Variants in APOBEC3A observed in about 807,000 individuals in gnomAD.
APOBEC3A encodes DNA dC->dU-editing enzyme APOBEC-3A.
A neutral mutation model predicts 23.0 loss-of-function variants in APOBEC3A; 13 were observed. The observed-to-expected ratio is 0.57, with a 90% CI of 0.37 to 0.90. APOBEC3A has a LOEUF of 0.90. Among genes scored for constraint, APOBEC3A ranks in the 40% least tolerant of loss-of-function variants. The pLI is 0.01. For missense variants in APOBEC3A, 179 were observed against 264.9 expected (o/e 0.68, Z 2.25); for synonymous variants, 74 against 101.3 (o/e 0.73, Z 1.62).
chr22:38,961,551 C>T lies in APOBEC3A; in HGVS notation c.339C>T (p.Phe113=). The T allele has an allele frequency of 3.9e-6, 6 of 1,531,640 alleles. 1 individual carries two copies. The highest frequency in any genetic ancestry group is 5.4e-6 in the Non-Finnish European group (6 of 1,118,770). 94.9% of individuals were successfully genotyped at this position (1,531,640 alleles called of 1,614,324 possible). The stretch of plus-strand genomic sequence containing the variant: ...GCTGTGCCGGGGAAGTGCGTGCGTT[C>T]CTTCAGGAGAACACACACGTGAGAC... ...SWGCAGEVRA[F]LQENTHVRLR... Residue 113 remains phenylalanine, a synonymous_variant, in exon 3 of 5, where the codon TTC becomes TTT. Coordinates refer to ENST00000249116, the MANE Select transcript of APOBEC3A (RefSeq NM_145699.4).
intron 2 of APOBEC3A, among the ~76,000 whole-genome samples, chr22:38,961,175 T>C (rs1472012314): frequency 6.8e-6 from 1 of 147,788 alleles, no homozygotes; most frequent in Non-Finnish European, 1.5e-5. Flanking sequence ...GATCTGTTTG[T>C]ATTTAAATGG....
Position 38,962,703 on chromosome 22 carries a change from T to G in APOBEC3A, c.*194T>G. On this transcript the variant is annotated 3_prime_UTR_variant, in exon 5 of 5. Transcript: ENST00000249116. ...GGCCGGGCGCGGTGGCTCACGCCTG[T>G]AATCCCAGCACTTTGGAGGCCAAGG... 1 of 1,392,210 alleles carries G rather than the reference T, an allele frequency of 7.2e-7. No individual in the cohort carries two copies. Among genetic ancestry groups the G allele is most frequent in the South Asian group, 1.4e-5 (1 of 69,472 alleles). The allele number at this position is 1,392,210 out of a possible 1,614,324, so 86.2% of individuals were successfully genotyped here.
intron 2 of APOBEC3A, 148 bp downstream of exon 2, chr22:38,959,834 G>A (rs1159061912): frequency 3.3e-6 from 4 of 1,204,314 alleles, no homozygotes; most frequent in East Asian, 2.6e-5. Flanking sequence ...CTGGGGTTGG[G>A]GGGAGACTTC....
intron 3 of APOBEC3A, among the ~76,000 whole-genome samples, 180 bp from the exon 4 acceptor site, chr22:38,961,918 G>A (rs985179823): frequency 2.0e-5 from 3 of 151,958 alleles, no homozygotes; most frequent in Non-Finnish European, 4.4e-5. Flanking sequence ...TGAGAACTGG[G>A]CTGGCCCAGA....
chr22:38,958,497 T>TCCAATATTTCCCTTTCTC (rs1922685326), intron 1 of APOBEC3A, among the ~76,000 whole-genome samples: 2 of 149,098 alleles, frequency 1.3e-5, no homozygotes, highest in African/African-American at 5.1e-5. Flanking sequence ...CCTTCTTTCT[T>TCCAATATTTCCCTTTCTC]TCTTTTTCTT....
intron 2 of APOBEC3A, among the ~76,000 whole-genome samples, chr22:38,960,268 C>T (rs528602803): frequency 5.3e-5 from 8 of 152,324 alleles, no homozygotes; most frequent in Middle Eastern, 3.4e-3. Context: ...TGCTTGGCTC[C>T]GGTGCTGGAA....
At position 38,963,052 on chromosome 22, in the gene APOBEC3A, T is replaced by G. The variant is rs893807620; in HGVS notation, c.*543T>G. On this transcript the variant is annotated 3_prime_UTR_variant, in exon 5 of 5. Transcript: ENST00000249116. ...AAGATTATGCTCAATATTCTCAGAA[T>G]AATTTTCAATGTATTAATGAAATGA... The G allele has an allele frequency of 1.3e-5, 2 of 157,426 alleles. No homozygotes were observed. Among genetic ancestry groups the G allele is most frequent in the African/African-American group, 4.9e-5 (2 of 40,992 alleles). 9.8% of individuals were successfully genotyped at this position (157,426 alleles called of 1,614,324 possible).
At chr22:38,958,758 CAT>C (rs1922717260) in intron 1 of APOBEC3A, among the ~76,000 whole-genome samples, 12 of 66,250 alleles carry the variant, frequency 1.8e-4, no homozygotes, top group South Asian at 1.1e-3. Flanking sequence ...TTCCTTCCTC[CAT>C]CTCTCTTTCT....
At position 38,959,431 on chromosome 22, in the gene APOBEC3A, A is replaced by G. The variant is rs1203893612; in HGVS notation, c.30-111A>G. On this transcript the variant is annotated intron_variant, in intron 1 of 4. Transcript: ENST00000249116. ...TGGAAGTGTGCTAAGGGATGTGCGG[A>G]GCAGGGGGAAGGAGGGTGGGGTGCA... is the stretch of plus-strand genomic sequence containing the variant. 8.5e-6 allele frequency: 11 copies of G among 1,300,646 alleles called. No individual in the cohort carries two copies. In the African/African-American group the frequency reaches 1.6e-4, roughly 19 times the overall value. 80.6% of individuals were successfully genotyped at this position (1,300,646 alleles called of 1,614,324 possible).
In APOBEC3A at chr22:38,959,701, C is replaced by A; in HGVS notation, c.174+15C>A. ...TACACAACCAGGTGACCGACCCAGCCATCCGAATCCGGGCAGGGCCCTTCC... is the reference window on the plus strand; with the variant it reads ...TACACAACCAGGTGACCGACCCAGCAATCCGAATCCGGGCAGGGCCCTTCC... On this transcript the variant is annotated intron_variant, in intron 2 of 4. Coordinates refer to ENST00000249116, the MANE Select transcript of APOBEC3A (RefSeq NM_145699.4). The A allele has an allele frequency of 6.2e-7, 1 of 1,611,260 alleles. No individual in the cohort carries two copies. The highest frequency in any genetic ancestry group is 8.5e-7 in the Non-Finnish European group (1 of 1,178,388).
chr22:38,959,089 G>C (rs891666372), intron 1 of APOBEC3A, among the ~76,000 whole-genome samples: 1 of 152,130 alleles, frequency 6.6e-6, no homozygotes, highest in East Asian at 1.9e-4. Flanking sequence ...GTCCCTGGCA[G>C]GTTCCTCTCC....
Position 38,962,957 on chromosome 22 carries a change from CA to C in APOBEC3A, c.*461del, listed in dbSNP as rs60486763. 0.3 allele frequency: 43,722 copies of C among 146,478 alleles called. 7,595 individuals are homozygous for C. Among genetic ancestry groups the C allele is most frequent in the East Asian group, 0.52 (2,197 of 4,262 alleles). The allele number at this position is 146,478 out of a possible 1,614,324, so 9.1% of individuals were successfully genotyped here. On this transcript the variant is annotated 3_prime_UTR_variant, in exon 5 of 5. Coordinates refer to ENST00000249116, the MANE Select transcript of APOBEC3A (RefSeq NM_145699.4). ...TGGGCGACAGTACCAGACTCCATCT[CA>C]AAAAAAAAAAAACCAGACTGAATTA... is the stretch of plus-strand genomic sequence containing the variant.
chr22:38,958,583 C>A (rs745401355), intron 1 of APOBEC3A, among the ~76,000 whole-genome samples: 7 of 139,084 alleles, frequency 5.0e-5, no homozygotes, highest in Admixed American at 7.6e-5. Flanking sequence ...CCTTTCCTTC[C>A]TTTCTTCCTT....
rs1186077229 is a variant in APOBEC3A at position 38,957,630 on chromosome 22, A to G, written c.-62A>G. 9 of 1,592,188 alleles carry G rather than the reference A, an allele frequency of 5.7e-6. No individual in the cohort carries two copies. Among genetic ancestry groups the G allele is most frequent in the Non-Finnish European group, 7.7e-6 (9 of 1,167,086 alleles). On this transcript the variant is annotated 5_prime_UTR_variant, in exon 1 of 5. Transcript: ENST00000249116. ...GAATGTTGGTGAAGATCTTAACACC[A>G]CGCCTTGAGCAAGTCGCAAGAGCGG...
At chr22:38,960,077 G>C (rs1922808932) in intron 2 of APOBEC3A, among the ~76,000 whole-genome samples, 1 of 152,198 alleles carries the variant, frequency 6.6e-6, no homozygotes, top group South Asian at 2.1e-4. Context: ...GGCTGACCAG[G>C]GATCCTGTCC....
chr22:38,959,735 G>C (rs1348612254), intron 2 of APOBEC3A, 49 bp downstream of exon 2: 1 of 1,594,492 alleles, frequency 6.3e-7, no homozygotes, highest in East Asian at 2.2e-5. Flanking sequence ...CCAATCCAGG[G>C]ACATTCATAG....
chr22:38,958,993 C>G (rs974355657), intron 1 of APOBEC3A, among the ~76,000 whole-genome samples: 1 of 152,064 alleles, frequency 6.6e-6, no homozygotes, highest in African/African-American at 2.4e-5. Context: ...CTGAGCTGCC[C>G]CATCTCAATT....
chr22:38,962,607 T>A lies in APOBEC3A; in HGVS notation c.*98T>A, dbSNP rs1370031165. 4 of 1,584,084 alleles carry A rather than the reference T, an allele frequency of 2.5e-6. 1 individual carries two copies. The highest frequency in any genetic ancestry group is 4.8e-5 in the East Asian group (2 of 41,394). ...AATGCAAACAGACCGTTCACCACCATCTCCAGCTGCTCACAGACGCCAGCA... is the reference window on the plus strand; with the variant it reads ...AATGCAAACAGACCGTTCACCACCAACTCCAGCTGCTCACAGACGCCAGCA... On this transcript the variant is annotated 3_prime_UTR_variant, in exon 5 of 5. Coordinates refer to ENST00000249116, the MANE Select transcript of APOBEC3A (RefSeq NM_145699.4).
In APOBEC3A at chr22:38,962,819, G is replaced by A. The variant is rs1311043130; in HGVS notation, c.*310G>A. ...TAAAAATACAAAAAATTAGCCAGGC[G>A]TGGTGGCGGGCGCCTGTAGTCCCAG... is the stretch of plus-strand genomic sequence containing the variant. On this transcript the variant is annotated 3_prime_UTR_variant, in exon 5 of 5. Transcript: ENST00000249116. The A allele has an allele frequency of 1.1e-5, 6 of 537,724 alleles. 1 individual carries two copies. Among genetic ancestry groups the A allele is most frequent in the East Asian group, 1.2e-4 (2 of 16,992 alleles). 33.3% of individuals were successfully genotyped at this position (537,724 alleles called of 1,614,324 possible). A position where few individuals can be genotyped will look rare whatever the true frequency, so the allele number is the denominator to read the frequency against.
Sources: gnomAD v4.1 joint callset for allele counts (sites outside exome capture counted in the v4.1 genomes callset) on GRCh38, gnomAD v4.1.1 for gene constraint, MANE v1.5 for transcripts, NCBI Gene and HGNC (gene_info 2026-07-23, HGNC 2026-07-21) for gene names.